SCMH1: variants seen among roughly 807,000 people sequenced by gnomAD.
The protein encoded by SCMH1 is Scm polycomb group protein homolog 1.
A neutral mutation model predicts 70.8 loss-of-function variants in SCMH1; 37 were observed. The ratio of observed to expected loss-of-function variants is 0.52; its 90% CI spans 0.40 to 0.69. SCMH1 has a LOEUF of 0.69. Among genes scored for constraint, SCMH1 ranks in the 30% least tolerant of loss-of-function variants. The pLI is 0.00. For missense variants in SCMH1, 607 were observed against 827.3 expected (o/e 0.73, Z 3.27); for synonymous variants, 292 against 307.4 (o/e 0.95, Z 0.52).
intron 6 of SCMH1, among the ~76,000 whole-genome samples, chr1:41,133,564 A>G (rs1336412253): frequency 6.6e-6 from 1 of 152,226 alleles, no homozygotes; most frequent in East Asian, 1.9e-4. Flanking sequence ...AAGAAAAGAG[A>G]GAAGAATCAA....
chr1:41,039,705 T>A (rs1383322754), intron 12 of SCMH1, among the ~76,000 whole-genome samples: 1 of 151,858 alleles, frequency 6.6e-6, no homozygotes, highest in Non-Finnish European at 1.5e-5. Flanking sequence ...AACTCCTGGC[T>A]TCAAGTGATC....
Position 41,038,490 on chromosome 1 carries a change from G to A in SCMH1, c.1499-949C>T, listed in dbSNP as rs192788828. On this transcript the variant is annotated intron_variant, in intron 12 of 14. Coordinates refer to ENST00000337495, the Ensembl canonical transcript of SCMH1. ...TTTAGGTAATGCTTGGGATTCATTC[G>A]GAGCCTCTGATGAACACTAAATTTG... Among the ~76,000 whole-genome samples the A allele has an allele frequency of 5.2e-4, 79 of 152,208 alleles. 2 individuals are homozygous for A. Among genetic ancestry groups the A allele is most frequent in the African/African-American group, 1.6e-3 (68 of 41,524 alleles).
intron 6 of SCMH1, among the ~76,000 whole-genome samples, chr1:41,129,713 T>A (rs904181194): frequency 1.3e-5 from 2 of 152,164 alleles, no homozygotes; most frequent in Non-Finnish European, 2.9e-5. Context: ...TATTCAAATA[T>A]CTGCCCAAGT....
rs539789107 is a variant in SCMH1, at chr1:41,086,094, C to T, written c.746-10643G>A. Among the ~76,000 whole-genome samples the T allele has an allele frequency of 3.9e-5, 6 of 152,248 alleles. No individual in the cohort carries two copies. The East Asian group carries it at 9.7e-4, about 24-fold the overall frequency. Reference sequence around the variant, plus strand: ...GACCTTGTGATCTGCCCGCCTTGGCCTCCCAAAGTGTTGGGATTACAAGCA... The same window carrying T: ...GACCTTGTGATCTGCCCGCCTTGGCTTCCCAAAGTGTTGGGATTACAAGCA... On this transcript the variant is annotated intron_variant, in intron 8 of 14. Coordinates refer to ENST00000337495, the Ensembl canonical transcript of SCMH1.
chr1:41,108,039 T>C (rs532038671), intron 8 of SCMH1, among the ~76,000 whole-genome samples: 12 of 152,200 alleles, frequency 7.9e-5, no homozygotes, highest in African/African-American at 2.6e-4. Flanking sequence ...CGATGTTGAG[T>C]CCGATTTTGA....
At chr1:41,140,644 AG>A (rs538538347) in intron 6 of SCMH1, among the ~76,000 whole-genome samples, 48 of 152,312 alleles carry the variant, frequency 3.2e-4, no homozygotes, top group African/African-American at 1.0e-3. Flanking sequence ...AAGACTAGAA[AG>A]GGTGACCAAC....
At chr1:41,116,545 G>A (rs1280415256) in intron 7 of SCMH1, among the ~76,000 whole-genome samples, 2 of 152,100 alleles carry the variant, frequency 1.3e-5, no homozygotes, top group Non-Finnish European at 2.9e-5. Flanking sequence ...CAAACATATC[G>A]TAGGCAATAA....
chr1:41,231,848 C>T (rs1047566813), intron 1 of SCMH1, among the ~76,000 whole-genome samples: 1 of 151,990 alleles, frequency 6.6e-6, no homozygotes, highest in South Asian at 2.1e-4. Flanking sequence ...TAGCGAAACT[C>T]GGTCTCTATT....
At chr1:41,090,628 T>C (rs1045162360) in intron 8 of SCMH1, among the ~76,000 whole-genome samples, 15 of 152,174 alleles carry the variant, frequency 9.9e-5, no homozygotes, top group Admixed American at 3.3e-4. Context: ...ATATCACATG[T>C]ACCCCATAAA....
At chr1:41,214,370 A>G (rs1291936132) in intron 1 of SCMH1, among the ~76,000 whole-genome samples, 1 of 152,174 alleles carries the variant, frequency 6.6e-6, no homozygotes, top group African/African-American at 2.4e-5. Flanking sequence ...CAAAATATAA[A>G]TAACTTAAGT....
chr1:41,240,279 C>G (rs940554725), intron 1 of SCMH1, among the ~76,000 whole-genome samples: 1 of 152,234 alleles, frequency 6.6e-6, no homozygotes, highest in Non-Finnish European at 1.5e-5. Context: ...TTGCTTAGTA[C>G]TTAAACAGGA....
At chr1:41,168,109 G>T (rs890865256) in intron 2 of SCMH1, among the ~76,000 whole-genome samples, 1 of 151,626 alleles carries the variant, frequency 6.6e-6, no homozygotes, top group Non-Finnish European at 1.5e-5. Context: ...GATCTTTTCG[G>T]GTTCATCTTA....
intron 1 of SCMH1, among the ~76,000 whole-genome samples, chr1:41,234,628 C>T (rs1008533311): frequency 6.6e-6 from 1 of 151,816 alleles, no homozygotes; most frequent in Non-Finnish European, 1.5e-5. Context: ...GCACCCGCCA[C>T]CACACCTGGC....
intron 7 of SCMH1, among the ~76,000 whole-genome samples, chr1:41,116,073 A>C (rs1265226586): frequency 6.6e-6 from 1 of 152,012 alleles, no homozygotes; most frequent in Non-Finnish European, 1.5e-5. Flanking sequence ...GTTTTCTTCT[A>C]TTTTCCCCCT....
At chr1:41,111,436 T>C (rs1669221684) in intron 8 of SCMH1, among the ~76,000 whole-genome samples, 1 of 152,148 alleles carries the variant, frequency 6.6e-6, no homozygotes, top group South Asian at 2.1e-4. Context: ...GCCTCTCAGG[T>C]TCAAGCAATT....
chr1:41,135,872 G>T (rs1387604630), intron 6 of SCMH1, among the ~76,000 whole-genome samples: 1 of 151,150 alleles, frequency 6.6e-6, no homozygotes, highest in Non-Finnish European at 1.5e-5. Flanking sequence ...TTAAGGTTTG[G>T]TAATTTCCCT....
At chr1:41,033,881 G>A in intron 13 of SCMH1, 102 bp downstream of exon 14, 1 of 1,552,162 alleles carries the variant, frequency 6.4e-7, no homozygotes, top group Non-Finnish European at 8.8e-7. Flanking sequence ...GGGAACAACA[G>A]TACCATCTGA....
intron 1 of SCMH1, among the ~76,000 whole-genome samples, chr1:41,241,842 C>T (rs1374246601): frequency 6.6e-6 from 1 of 151,786 alleles, no homozygotes; most frequent in Non-Finnish European, 1.5e-5. Context: ...GATGCAGAGC[C>T]GGCCTCCGGG....
At chr1:41,085,354 T>C (rs1187821016) in intron 8 of SCMH1, among the ~76,000 whole-genome samples, 1 of 152,080 alleles carries the variant, frequency 6.6e-6, no homozygotes, top group African/African-American at 2.4e-5. Context: ...AAAATATAAA[T>C]AGTTTGCTAT....
Sources: allele counts gnomAD v4.1 joint callset (sites outside exome capture counted in the v4.1 genomes callset), GRCh38; gene constraint gnomAD v4.1.1; transcripts MANE v1.5; gene names NCBI Gene and HGNC (gene_info 2026-07-23, HGNC 2026-07-21).